Variants in RPS23 observed in about 807,000 individuals in gnomAD.
RPS23 encodes the protein small ribosomal subunit protein uS12.
For synonymous variants in RPS23, 66 were observed against 60.4 expected, an observed-to-expected ratio of 1.09 and a Z score of -0.43; for missense variants, 73 against 174.5, an observed-to-expected ratio of 0.42 and a Z score of 3.28.
Position 82,275,294 on chromosome 5 carries a change from C to T in RPS23, c.*815G>A, listed in dbSNP as rs532640443. 5 of 702,476 alleles carry T rather than the reference C, an allele frequency of 7.1e-6. No individual in the cohort carries two copies. Among genetic ancestry groups the T allele is most frequent in the South Asian group, 1.5e-5 (1 of 67,612 alleles). 43.5% of individuals were successfully genotyped at this position (702,476 alleles called of 1,614,324 possible). On this transcript the variant is annotated 3_prime_UTR_variant, in exon 4 of 4. Transcript: ENST00000296674. ...AACCATGCCACTGTATCCATGAAAA[C>T]TCTGAAACAAGTATTTGTGGACAGC...
intron 2 of RPS23, 174 bp downstream of exon 2, chr5:82,277,519 A>G (rs1356975138): frequency 1.4e-6 from 1 of 698,760 alleles, no homozygotes; most frequent in East Asian, 2.6e-5. Context: ...CCTAATTCCC[A>G]AAAACTAATT....
Position 82,277,701 on chromosome 5 carries a change from C to T in RPS23, c.156G>A (p.Leu52=). ...GGGAGCAATGGACTTACACTTTTTCCAGCACGATTCCTTTTGCATGAGAAG... is the reference window on the plus strand; with the variant it reads ...GGGAGCAATGGACTTACACTTTTTCTAGCACGATTCCTTTTGCATGAGAAG... ...GGASHAKGIV[L]EKVGVEAKQP... The change falls in exon 2 of 4, where the codon CTG becomes CTA. Residue 52 remains leucine (L), a synonymous_variant. Coordinates refer to ENST00000296674, the MANE Select transcript of RPS23 (RefSeq NM_001025.5). 1 of 1,613,810 alleles carries T rather than the reference C, an allele frequency of 6.2e-7. No homozygotes were observed. Among genetic ancestry groups the T allele is most frequent in the Non-Finnish European group, 8.5e-7 (1 of 1,179,842 alleles).
rs746752013 is a variant in RPS23, at chr5:82,274,107, TG to T, written c.*2001del. 7 of 152,226 alleles carry T rather than the reference TG, an allele frequency of 4.6e-5. No homozygotes were observed. The highest frequency in any genetic ancestry group is 2.1e-4 in the South Asian group (1 of 4,834). The allele number at this position is 152,226 out of a possible 1,614,324, so 9.4% of individuals were successfully genotyped here. ...TTCCTTTGTTTTGGTCTTTGACAAA[TG>T]GAAGTCCACAACATTTATTGAAACT... On this transcript the variant is annotated 3_prime_UTR_variant, in exon 4 of 4. Transcript: ENST00000296674.
In RPS23 at chr5:82,277,817, G is replaced by A; in HGVS notation, c.40C>T (p.Arg14Cys). The A allele has an allele frequency of 1.9e-6, 3 of 1,613,892 alleles. No homozygotes were observed. Among genetic ancestry groups the A allele is most frequent in the African/African-American group, 1.3e-5 (1 of 75,032 alleles). ...CRGLRTARKL[R>C]SHRRDQKWHD... is the part of the protein sequence containing the mutation. ...CACTTCTGGTCTCGTCGGTGACTAC[G>A]GAGCTTCCTAGCAGTACGAAGTCCA... is the stretch of plus-strand genomic sequence containing the variant. Residue 14 changes from arginine to cysteine, a missense_variant, in exon 2 of 4, where the codon CGT (arginine) becomes TGT (cysteine). Coordinates refer to ENST00000296674, the MANE Select transcript of RPS23 (RefSeq NM_001025.5).
At position 82,274,104 on chromosome 5, in the gene RPS23, A is replaced by G. The variant is rs2112043361; in HGVS notation, c.*2005T>C. 6.6e-6 allele frequency: 1 copy of G among 152,360 alleles called. No homozygotes were observed. The highest frequency in any genetic ancestry group is 3.4e-3 in the Middle Eastern group (1 of 294). The allele number at this position is 152,360 out of a possible 1,614,324, so 9.4% of individuals were successfully genotyped here. ...GGGTTCCTTTGTTTTGGTCTTTGAC[A>G]AATGGAAGTCCACAACATTTATTGA... On this transcript the variant is annotated 3_prime_UTR_variant, in exon 4 of 4. Transcript: ENST00000296674.
intron 2 of RPS23, chr5:82,276,966 C>T (rs535702003): frequency 2.9e-4 from 48 of 167,342 alleles, no homozygotes; most frequent in African/African-American, 1.1e-3. Context: ...GGCATTATCA[C>T]CTGAGGTCAG....
At chr5:82,277,285 A>C (rs1440508728) in intron 2 of RPS23, 1 of 217,056 alleles carries the variant, frequency 4.6e-6, no homozygotes, top group African/African-American at 2.4e-5. Context: ...CCAGTCAAAT[A>C]CTGGCAGTTT....
Position 82,275,171 on chromosome 5 carries a change from C to T in RPS23, c.*938G>A, listed in dbSNP as rs1297693060. ...TCCAAAGATCCTAAACAATGTAAAGCTAGGCTTTGATCAAAGGGCTAATTA... is the reference window on the plus strand; with the variant it reads ...TCCAAAGATCCTAAACAATGTAAAGTTAGGCTTTGATCAAAGGGCTAATTA... On this transcript the variant is annotated 3_prime_UTR_variant, in exon 4 of 4. Coordinates refer to ENST00000296674, the MANE Select transcript of RPS23 (RefSeq NM_001025.5). 1.4e-6 allele frequency: 1 copy of T among 700,286 alleles called. No individual in the cohort carries two copies. Among genetic ancestry groups the T allele is most frequent in the Admixed American group, 2.0e-5 (1 of 49,782 alleles). 43.4% of individuals were successfully genotyped at this position (700,286 alleles called of 1,614,324 possible).
At chr5:82,278,237 C>T (rs1415244659) in intron 1 of RPS23, 83 bp downstream of exon 1, 9 of 1,433,136 alleles carry the variant, frequency 6.3e-6, no homozygotes, top group Non-Finnish European at 8.6e-6. Context: ...CATCCCCCGC[C>T]CTACTCTATT....
In RPS23 at chr5:82,275,221, G is replaced by C. The variant is rs751529685; in HGVS notation, c.*888C>G. 34 of 702,448 alleles carry C rather than the reference G, an allele frequency of 4.8e-5. No homozygotes were observed. In the African/African-American group the frequency reaches 5.8e-4, roughly 12 times the overall value. 43.5% of individuals were successfully genotyped at this position (702,448 alleles called of 1,614,324 possible). On this transcript the variant is annotated 3_prime_UTR_variant, in exon 4 of 4. Coordinates refer to ENST00000296674, the MANE Select transcript of RPS23 (RefSeq NM_001025.5). ...AACCCATACTTACTATTTGTTAACA[G>C]GAGTTTCTTACATCAGATTTAAAGC... is the stretch of plus-strand genomic sequence containing the variant.
rs965915269 is a variant in RPS23 at position 82,277,910 on chromosome 5, C to T, written c.5-58G>A. 2.3e-5 allele frequency: 34 copies of T among 1,459,798 alleles called. No individual in the cohort carries two copies. The African/African-American group carries it at 3.2e-4, about 14-fold the overall frequency. The allele number at this position is 1,459,798 out of a possible 1,614,324, so 90.4% of individuals were successfully genotyped here. On this transcript the variant is annotated intron_variant, in intron 1 of 3. Transcript: ENST00000296674. ...AACACGCCATCTACGTGTTTCCCAT[C>T]TTCTAAGACACTCGCCTCACCTGGA...
chr5:82,277,675 C>A lies in RPS23; in HGVS notation c.164+18G>T, dbSNP rs747251753. 2.5e-6 allele frequency: 4 copies of A among 1,611,770 alleles called. No homozygotes were observed. The Admixed American group carries it at 5.0e-5, about 20-fold the overall frequency. ...ATTCCTATAATAAACTAAAACTTGACGGGAGCAATGGACTTACACTTTTTC... is the reference window on the plus strand; with the variant it reads ...ATTCCTATAATAAACTAAAACTTGAAGGGAGCAATGGACTTACACTTTTTC... On this transcript the variant is annotated intron_variant, in intron 2 of 3. Transcript: ENST00000296674.
In RPS23 at chr5:82,275,168, A is replaced by G. The variant is rs954052737; in HGVS notation, c.*941T>C. 1 of 699,744 alleles carries G rather than the reference A, an allele frequency of 1.4e-6. No individual in the cohort carries two copies. The highest frequency in any genetic ancestry group is 1.7e-5 in the African/African-American group (1 of 57,216). The allele number at this position is 699,744 out of a possible 1,614,324, so 43.3% of individuals were successfully genotyped here. ...TTTTCCAAAGATCCTAAACAATGTA[A>G]AGCTAGGCTTTGATCAAAGGGCTAA... On this transcript the variant is annotated 3_prime_UTR_variant, in exon 4 of 4. Coordinates refer to ENST00000296674, the MANE Select transcript of RPS23 (RefSeq NM_001025.5).
intron 2 of RPS23, chr5:82,276,795 T>C: frequency 2.6e-6 from 1 of 386,770 alleles, no homozygotes; most frequent in Admixed American, 4.2e-5. Flanking sequence ...TGGGAGGATC[T>C]ATGCCTAGAA....
In RPS23 at chr5:82,278,324, C is replaced by A. The variant is rs758135308; in HGVS notation, c.-1G>T. ...AAACCGGCCACAACAGCTCACCCATCCTGTCGGCGCCACGGGCCTGAGCGA... is the reference window on the plus strand; with the variant it reads ...AAACCGGCCACAACAGCTCACCCATACTGTCGGCGCCACGGGCCTGAGCGA... On this transcript the variant is annotated 5_prime_UTR_variant, in exon 1 of 4. Transcript: ENST00000296674. 1.2e-6 allele frequency: 2 copies of A among 1,609,958 alleles called. No homozygotes were observed. Among genetic ancestry groups the A allele is most frequent in the African/African-American group, 1.3e-5 (1 of 74,744 alleles).
Position 82,275,299 on chromosome 5 carries a change from A to C in RPS23, c.*810T>G. The C allele has an allele frequency of 1.4e-6, 1 of 702,640 alleles. No homozygotes were observed. Among genetic ancestry groups the C allele is most frequent in the South Asian group, 1.5e-5 (1 of 67,608 alleles). The allele number at this position is 702,640 out of a possible 1,614,324, so 43.5% of individuals were successfully genotyped here. ...TGCCACTGTATCCATGAAAACTCTG[A>C]AACAAGTATTTGTGGACAGCAAAAT... On this transcript the variant is annotated 3_prime_UTR_variant, in exon 4 of 4. Transcript: ENST00000296674.
In RPS23 at chr5:82,273,499, G is replaced by GT. The variant is rs1747706095; in HGVS notation, c.*2609_*2610insA. ...ATATGTGACAGGGGTTTCATGCACT[G>GT]GTACAGAACACAACAGGGAGTTTCA... On this transcript the variant is annotated 3_prime_UTR_variant, in exon 4 of 4. Transcript: ENST00000296674. The GT allele has an allele frequency of 6.7e-6, 1 of 148,980 alleles. No homozygotes were observed. 9.2% of individuals were successfully genotyped at this position (148,980 alleles called of 1,614,324 possible).
rs774127937 is a variant in RPS23, at chr5:82,276,391, TACTC to T, written c.285+3_285+6del. 9.5e-5 allele frequency: 153 copies of T among 1,613,844 alleles called. No homozygotes were observed. Among genetic ancestry groups the T allele is most frequent in the Non-Finnish European group, 1.1e-4 (134 of 1,179,890 alleles). On this transcript the variant is annotated splice_donor_5th_base_variant and intron_variant, in intron 3 of 3. Transcript: ENST00000296674. ...AACAGAAGGTACGATAGAGTTGAAATACTCACCTCAATAAAGTTCAAGCAACCGT... is the reference window on the plus strand; with the variant it reads ...AACAGAAGGTACGATAGAGTTGAAATACCTCAATAAAGTTCAAGCAACCGT...
At position 82,273,419 on chromosome 5, in the gene RPS23, C is replaced by T. The variant is rs1747704311; in HGVS notation, c.*2690G>A. 6.7e-6 allele frequency: 1 copy of T among 149,320 alleles called. No individual in the cohort carries two copies. Among genetic ancestry groups the T allele is most frequent in the African/African-American group, 2.6e-5 (1 of 38,702 alleles). The allele number at this position is 149,320 out of a possible 1,614,324, so 9.2% of individuals were successfully genotyped here. On this transcript the variant is annotated 3_prime_UTR_variant, in exon 4 of 4. Transcript: ENST00000296674. ...ACAATTTCTGTCCCTTTTAAGGGCT[C>T]ACAACACTAAAGATTTCACATGAAA...
Sources: gnomAD v4.1 joint callset for allele counts on GRCh38, gnomAD v4.1.1 for gene constraint, MANE v1.5 for transcripts, NCBI Gene and HGNC (gene_info 2026-07-23, HGNC 2026-07-21) for gene names.